JRK: variants seen among roughly 807,000 people sequenced by gnomAD.
The protein encoded by JRK is jerky protein homolog.
For missense variants in JRK, 720 were observed against 509.2 expected (o/e 1.41, Z -3.98); for synonymous variants, 303 against 218.1 (o/e 1.39, Z -3.43).
intron 1 of JRK, among the ~76,000 whole-genome samples, chr8:142,667,342 T>A (rs1554636370): frequency 2.0e-5 from 3 of 152,116 alleles, no homozygotes; most frequent in African/African-American, 7.2e-5. Context: ...GCCGCTGGTC[T>A]CTGAAACCCC....
Position 142,659,660 on chromosome 8 carries a change from G to C in JRK, c.*4692C>G, listed in dbSNP as rs144181850. 4.2e-4 allele frequency: 412 copies of C among 985,582 alleles called. 11 individuals are homozygous for C. In the East Asian group the frequency reaches 0.035, roughly 83 times the overall value. 61.1% of individuals were successfully genotyped at this position (985,582 alleles called of 1,614,324 possible). A position where few individuals can be genotyped will look rare whatever the true frequency, so the allele number is the denominator to read the frequency against. On this transcript the variant is annotated 3_prime_UTR_variant, in exon 2 of 2. Transcript: ENST00000612905. ...CCACGGAACTGAAAGGAGGTTCAAG[G>C]CCTCAAACAAGAGTGGCCCCTAAAA... is the stretch of plus-strand genomic sequence containing the variant.
In JRK at chr8:142,663,691, G is replaced by A; in HGVS notation, c.*661C>T. 1 of 985,464 alleles carries A rather than the reference G, an allele frequency of 1.0e-6. No individual in the cohort carries two copies. The highest frequency in any genetic ancestry group is 1.2e-6 in the Non-Finnish European group (1 of 829,952). 61.0% of individuals were successfully genotyped at this position (985,464 alleles called of 1,614,324 possible). ...TCTCCGTGGGGCCCCCCAACATCTT[G>A]GGGCCAGAGCCCATGGGACAGGATC... On this transcript the variant is annotated 3_prime_UTR_variant, in exon 2 of 2. Coordinates refer to ENST00000612905, the MANE Select transcript of JRK (RefSeq NM_003724.4).
At chr8:142,647,387 A>G in the JRK span, among the ~76,000 whole-genome samples, 5 of 152,182 alleles carry the variant, frequency 3.3e-5, no homozygotes, top group Non-Finnish European at 5.9e-5. Context: ...CTATGTCCTC[A>G]CCCAAATCTC....
chr8:142,649,608 G>A, the JRK span, among the ~76,000 whole-genome samples: 1 of 152,196 alleles, frequency 6.6e-6, no homozygotes, highest in Admixed American at 6.5e-5. Flanking sequence ...CTGCTTCAGA[G>A]GATGCAAGCC....
chr8:142,664,464 C>G lies in JRK; in HGVS notation c.1595G>C (p.Arg532Pro), dbSNP rs781844573. ...CTTGACCACAGCCCCGAGGGCACCACGCCGCCTCCTCACCTGCTGCTGGCT... is the reference window on the plus strand; with the variant it reads ...CTTGACCACAGCCCCGAGGGCACCAGGCCGCCTCCTCACCTGCTGCTGGCT... ...FRSQQQVRRR[R>P]GALGAVVKVE... Residue 532 changes from arginine to proline, a missense_variant, in exon 2 of 2, where the codon CGT becomes CCT. Physicochemically the swap from Arg to Pro is moderately radical, Grantham distance 103. Transcript: ENST00000612905. 5 of 1,611,490 alleles carry G rather than the reference C, an allele frequency of 3.1e-6. No homozygotes were observed. Among genetic ancestry groups the G allele is most frequent in the Non-Finnish European group, 4.2e-6 (5 of 1,179,104 alleles).
Position 142,664,406 on chromosome 8 carries a change from A to C in JRK, c.1653T>G (p.Cys551Trp), listed in dbSNP as rs782550237. 9.4e-6 allele frequency: 15 copies of C among 1,598,798 alleles called. 1 individual carries two copies. The South Asian group carries it at 1.7e-4, about 18-fold the overall frequency. Reference sequence around the variant, plus strand: ...GCAAGGGAGACTGAGCTGTGGCCCCACAGCCACCAGGGCCCTCCTGGAGGG... The same window carrying C: ...GCAAGGGAGACTGAGCTGTGGCCCCCCAGCCACCAGGGCCCTCCTGGAGGG... ...VEALQEGPGG[C>W]GATAQSPLPC... Residue 551 changes from cysteine (C) to tryptophan (W), a missense_variant, in exon 2 of 2, where the codon TGT becomes TGG. Coordinates refer to ENST00000612905, the MANE Select transcript of JRK (RefSeq NM_003724.4).
In JRK at chr8:142,659,768, G is replaced by A. The variant is rs782278299; in HGVS notation, c.*4584C>T. On this transcript the variant is annotated 3_prime_UTR_variant, in exon 2 of 2. Transcript: ENST00000612905. The stretch of plus-strand genomic sequence containing the variant: ...ATGCAGCTGGTGAACAGCAGGGAGT[G>A]AGCAGTGGAGAACGTGAGGCTGGTC... 2 of 985,540 alleles carry A rather than the reference G, an allele frequency of 2.0e-6. No individual in the cohort carries two copies. Among genetic ancestry groups the A allele is most frequent in the Non-Finnish European group, 2.4e-6 (2 of 829,994 alleles). 61.0% of individuals were successfully genotyped at this position (985,540 alleles called of 1,614,324 possible).
In JRK at chr8:142,664,739, C is replaced by G. The variant is rs781832732; in HGVS notation, c.1320G>C (p.Trp440Cys). The G allele has an allele frequency of 5.6e-5, 90 of 1,598,180 alleles. No homozygotes were observed. Among genetic ancestry groups the G allele is most frequent in the Middle Eastern group, 3.3e-4 (2 of 6,070 alleles). ...GQLRQRQAAS[W>C]GVAGREAEGG... Reference sequence around the variant, plus strand: ...CTTCTGCCTCCCTTCCCGCTACCCCCCAGCTGGCGGCCTGGCGCTGGCGAA... The same window carrying G: ...CTTCTGCCTCCCTTCCCGCTACCCCGCAGCTGGCGGCCTGGCGCTGGCGAA... Residue 440 changes from tryptophan to cysteine, a missense_variant, in exon 2 of 2, where the codon TGG becomes TGC. Coordinates refer to ENST00000612905, the MANE Select transcript of JRK (RefSeq NM_003724.4).
At chr8:142,656,312 G>C (rs370649288), downstream of JRK, among the ~76,000 whole-genome samples, 12 of 152,182 alleles carry the variant, frequency 7.9e-5, no homozygotes. Flanking sequence ...ACATCCCAGA[G>C]CCTCTGACTG....
Position 142,662,006 on chromosome 8 carries a change from G to A in JRK, c.*2346C>T, listed in dbSNP as rs1554634629. On this transcript the variant is annotated 3_prime_UTR_variant, in exon 2 of 2. Transcript: ENST00000612905. ...CCTCACTCCAGCAGCGAGCCCAGGT[G>A]AGGAGGGGCTGCAGGAGGAGCAGGG... The A allele has an allele frequency of 9.1e-6, 9 of 985,446 alleles. No homozygotes were observed. Among genetic ancestry groups the A allele is most frequent in the East Asian group, 1.1e-4 (1 of 8,822 alleles). The allele number at this position is 985,446 out of a possible 1,614,324, so 61.0% of individuals were successfully genotyped here. A position where few individuals can be genotyped will look rare whatever the true frequency, so the allele number is the denominator to read the frequency against.
rs1587519537 is a variant in JRK at position 142,661,946 on chromosome 8, G to T, written c.*2406C>A. The stretch of plus-strand genomic sequence containing the variant: ...ATGCACCAGGCAGCTGGGCCCAGCA[G>T]CTCAGAGATGAGTACGCTCTGGGCT... On this transcript the variant is annotated 3_prime_UTR_variant, in exon 2 of 2. Transcript: ENST00000612905. The T allele has an allele frequency of 3.0e-6, 3 of 985,440 alleles. No homozygotes were observed. Among genetic ancestry groups the T allele is most frequent in the South Asian group, 4.7e-5 (1 of 21,292 alleles). 61.0% of individuals were successfully genotyped at this position (985,440 alleles called of 1,614,324 possible).
At chr8:142,651,506 A>G in the JRK span, among the ~76,000 whole-genome samples, 1 of 151,474 alleles carries the variant, frequency 6.6e-6, no homozygotes, top group Admixed American at 6.6e-5. Context: ...TTATGTAAAT[A>G]AAGCCCCTTA....
rs1421658498 is a variant in JRK, at chr8:142,661,265, C to A, written c.*3087G>T. The stretch of plus-strand genomic sequence containing the variant: ...AGGACAGGTGTTCTGTAAACCAACC[C>A]CAACGTAGAAGGGGCTGAAAGACCA... On this transcript the variant is annotated 3_prime_UTR_variant, in exon 2 of 2. Transcript: ENST00000612905. The A allele has an allele frequency of 3.0e-6, 3 of 985,356 alleles. No homozygotes were observed. The East Asian group carries it at 3.4e-4, about 112-fold the overall frequency. 61.0% of individuals were successfully genotyped at this position (985,356 alleles called of 1,614,324 possible).
chr8:142,658,806 GACAGAGGGGTCTT>G lies in JRK; in HGVS notation c.*5533_*5545del. The G allele has an allele frequency of 1.3e-6, 2 of 1,584,606 alleles. No individual in the cohort carries two copies. The highest frequency in any genetic ancestry group is 1.7e-6 in the Non-Finnish European group (2 of 1,165,254). ...CCATAACCTCAAGGGCACTGGTGGG[GACAGAGGGGTCTT>G]ACCCAGCACTGCCATGTGGCAGAAG... is the stretch of plus-strand genomic sequence containing the variant. On this transcript the variant is annotated 3_prime_UTR_variant, in exon 2 of 2. Transcript: ENST00000612905.
In JRK at chr8:142,659,801, G is replaced by A; in HGVS notation, c.*4551C>T. 1 of 985,588 alleles carries A rather than the reference G, an allele frequency of 1.0e-6. No homozygotes were observed. The highest frequency in any genetic ancestry group is 1.2e-6 in the Non-Finnish European group (1 of 830,034). 61.1% of individuals were successfully genotyped at this position (985,588 alleles called of 1,614,324 possible). A position where few individuals can be genotyped will look rare whatever the true frequency, so the allele number is the denominator to read the frequency against. ...GAGAACGTGAGGCTGGTCATTAGGA[G>A]CAGGTAGCCCTGGGTCTCCCTCTGC... On this transcript the variant is annotated 3_prime_UTR_variant, in exon 2 of 2. Transcript: ENST00000612905.
At chr8:142,656,421 C>T (rs1015048786), downstream of JRK, among the ~76,000 whole-genome samples, 2 of 151,732 alleles carry the variant, frequency 1.3e-5, no homozygotes, top group Non-Finnish European at 1.5e-5. Flanking sequence ...TTGTTGTTTT[C>T]CCTGACCACA....
the JRK span, among the ~76,000 whole-genome samples, chr8:142,648,069 A>G: frequency 6.6e-6 from 1 of 152,212 alleles, no homozygotes; most frequent in African/African-American, 2.4e-5. Context: ...AACTTGAGAG[A>G]GATGATTTAG....
In JRK at chr8:142,662,576, A is replaced by C. The variant is rs919228623; in HGVS notation, c.*1776T>G. On this transcript the variant is annotated 3_prime_UTR_variant, in exon 2 of 2. Coordinates refer to ENST00000612905, the MANE Select transcript of JRK (RefSeq NM_003724.4). ...ACTGTCGTTCAGCACCGAGATCTTT[A>C]AAAACTATTTGGCTTTTATAATCTT... 4.2e-5 allele frequency: 41 copies of C among 985,290 alleles called. No homozygotes were observed. Among genetic ancestry groups the C allele is most frequent in the South Asian group, 9.4e-5 (2 of 21,292 alleles). 61.0% of individuals were successfully genotyped at this position (985,290 alleles called of 1,614,324 possible). A position where few individuals can be genotyped will look rare whatever the true frequency, so the allele number is the denominator to read the frequency against.
chr8:142,660,927 G>C lies in JRK; in HGVS notation c.*3425C>G, dbSNP rs930877357. On this transcript the variant is annotated 3_prime_UTR_variant, in exon 2 of 2. Transcript: ENST00000612905. ...AAATGGACTTTAACTGGGGACAACTGATGACAGTCCTCCAACCCCAGCGAG... is the reference window on the plus strand; with the variant it reads ...AAATGGACTTTAACTGGGGACAACTCATGACAGTCCTCCAACCCCAGCGAG... 2.0e-6 allele frequency: 2 copies of C among 985,336 alleles called. No individual in the cohort carries two copies. The highest frequency in any genetic ancestry group is 2.4e-6 in the Non-Finnish European group (2 of 829,976). The allele number at this position is 985,336 out of a possible 1,614,324, so 61.0% of individuals were successfully genotyped here.
Sources: gnomAD v4.1 joint callset for allele counts (sites outside exome capture counted in the v4.1 genomes callset) on GRCh38, gnomAD v4.1.1 for gene constraint, MANE v1.5 for transcripts, NCBI Gene and HGNC (gene_info 2026-07-23, HGNC 2026-07-21) for gene names.